The following IMMP2L variants were observed in gnomAD, a reference collection of about 807,000 sequenced individuals.
The protein encoded by IMMP2L is mitochondrial inner membrane protease subunit 2.
A neutral mutation model predicts 19.3 loss-of-function variants in IMMP2L; 18 were observed. That is an observed-to-expected ratio of 0.93 (90% confidence interval 0.64 to 1.38). IMMP2L has a LOEUF of 1.38. Ranked by LOEUF, IMMP2L falls within the 40% of genes most tolerant of loss-of-function variation. IMMP2L has a pLI of 0.00. For missense variants in IMMP2L, 233 were observed against 218.2 expected, an observed-to-expected ratio of 1.07 and a Z score of -0.43; for synonymous variants, 76 against 73.0, an observed-to-expected ratio of 1.04 and a Z score of -0.21.
At chr7:111,317,454 C>A (rs61208673) in intron 3 of IMMP2L, among the ~76,000 whole-genome samples, 3,485 of 152,114 alleles carry the variant, frequency 0.023, 136 homozygotes, top group African/African-American at 0.08. Flanking sequence ...GAAATACTAC[C>A]TGACTCTCTG....
chr7:111,449,076 C>T (rs1237698532), intron 3 of IMMP2L, among the ~76,000 whole-genome samples: 3 of 150,816 alleles, frequency 2.0e-5, no homozygotes, highest in Non-Finnish European at 4.4e-5. Context: ...AATAGTTTAC[C>T]AACCAAAAAG....
At chr7:110,883,615 C>A (rs1048424708) in intron 5 of IMMP2L, among the ~76,000 whole-genome samples, 1 of 152,130 alleles carries the variant, frequency 6.6e-6, no homozygotes, top group African/African-American at 2.4e-5. Flanking sequence ...ACACTATGAT[C>A]ACAAACCTAA....
intron 3 of IMMP2L, among the ~76,000 whole-genome samples, chr7:111,183,221 G>A (rs1807908253): frequency 6.6e-6 from 1 of 152,028 alleles, no homozygotes; most frequent in Non-Finnish European, 1.5e-5. Flanking sequence ...TTTATGAAAT[G>A]CATGTTAAAA....
intron 3 of IMMP2L, among the ~76,000 whole-genome samples, chr7:111,400,001 T>A (rs1377106218): frequency 6.6e-6 from 1 of 152,108 alleles, no homozygotes; most frequent in Non-Finnish European, 1.5e-5. Context: ...TTGAAAAAGA[T>A]TTGCCCCAGA....
chr7:111,324,495 T>G (rs534319910), intron 3 of IMMP2L, among the ~76,000 whole-genome samples: 22 of 152,046 alleles, frequency 1.4e-4, no homozygotes, highest in Non-Finnish European at 1.2e-4. Flanking sequence ...TAAATTAAGT[T>G]GAGGCAAGTC....
chr7:111,261,931 G>C (rs1393949025), intron 3 of IMMP2L, among the ~76,000 whole-genome samples: 3 of 152,146 alleles, frequency 2.0e-5, no homozygotes, highest in African/African-American at 4.8e-5. Flanking sequence ...AAGCTGGAGA[G>C]AGAGATATGA....
At chr7:110,683,180 G>A (rs1792854062) in intron 5 of IMMP2L, among the ~76,000 whole-genome samples, 1 of 151,978 alleles carries the variant, frequency 6.6e-6, no homozygotes, top group Non-Finnish European at 1.5e-5. Context: ...TGAAACTTAT[G>A]TTCAGGTAGT....
At chr7:110,955,216 C>A (rs1031517057) in intron 4 of IMMP2L, among the ~76,000 whole-genome samples, 7 of 151,682 alleles carry the variant, frequency 4.6e-5, no homozygotes, top group Admixed American at 2.0e-4. Flanking sequence ...TTCACTGATA[C>A]AGCAATAGTA....
intron 5 of IMMP2L, among the ~76,000 whole-genome samples, chr7:110,790,809 A>C (rs891898546): frequency 6.6e-6 from 1 of 151,776 alleles, no homozygotes; most frequent in African/African-American, 2.4e-5. Flanking sequence ...TCAGTGAGTA[A>C]ATTCTTTGAT....
chr7:110,915,552 C>A (rs962185859), intron 4 of IMMP2L, among the ~76,000 whole-genome samples: 2 of 152,112 alleles, frequency 1.3e-5, no homozygotes, highest in African/African-American at 4.8e-5. Flanking sequence ...AGCATGGCAA[C>A]TACAGTTAAT....
chr7:111,276,531 T>C (rs1819076860), intron 3 of IMMP2L, among the ~76,000 whole-genome samples: 1 of 152,002 alleles, frequency 6.6e-6, no homozygotes. Flanking sequence ...GTATTAGTTC[T>C]TCTTTATTAT....
chr7:110,886,612 T>G lies in IMMP2L; in HGVS notation c.389A>C (p.Asp130Ala), dbSNP rs1394429304. Residue 130 changes from aspartate (D) to alanine (A), a missense_variant, in exon 5 of 6, where the codon GAC becomes GCC. By Grantham distance (126) the Asp-to-Ala change is moderately radical (BLOSUM62 -2). Transcript: ENST00000405709. ...VEGDHHGHSF[D>A]SNSFGPVSLG... Reference sequence around the variant, plus strand: ...ACTTACCGGCCCAAAAGAATTACTGTCAAAACTGTGTCCATGATGATCACC... The same window carrying G: ...ACTTACCGGCCCAAAAGAATTACTGGCAAAACTGTGTCCATGATGATCACC... The G allele has an allele frequency of 1.2e-6, 2 of 1,601,270 alleles. No homozygotes were observed. Among genetic ancestry groups the G allele is most frequent in the Non-Finnish European group, 1.7e-6 (2 of 1,168,570 alleles).
chr7:110,950,675 T>C (rs1222267842), intron 4 of IMMP2L, among the ~76,000 whole-genome samples: 3 of 151,566 alleles, frequency 2.0e-5, no homozygotes, highest in Non-Finnish European at 4.4e-5. Context: ...AGAATCAACT[T>C]ACTGACAATG....
chr7:110,887,261 C>T (rs1810314822), intron 4 of IMMP2L, among the ~76,000 whole-genome samples: 1 of 152,014 alleles, frequency 6.6e-6, no homozygotes. Flanking sequence ...TTAACCAGCA[C>T]TAAAGTATTC....
At chr7:111,542,340 T>C (rs1480296438) in intron 1 of IMMP2L, among the ~76,000 whole-genome samples, 2 of 152,176 alleles carry the variant, frequency 1.3e-5, no homozygotes, top group African/African-American at 2.4e-5. Context: ...TTGATTAAAA[T>C]TTTATATCAC....
chr7:110,982,495 C>T (rs940865529), intron 3 of IMMP2L, among the ~76,000 whole-genome samples: 1 of 152,022 alleles, frequency 6.6e-6, no homozygotes, highest in Admixed American at 6.6e-5. Flanking sequence ...GTAGAAAATC[C>T]TGGTATTGAA....
intron 3 of IMMP2L, among the ~76,000 whole-genome samples, chr7:111,157,987 C>G (rs1408461669): frequency 1.3e-5 from 2 of 151,964 alleles, no homozygotes; most frequent in African/African-American, 4.8e-5. Context: ...GTTGTCTGCA[C>G]AAGCAGCACA....
chr7:110,937,101 A>G (rs1270198613), intron 4 of IMMP2L, among the ~76,000 whole-genome samples: 1 of 152,208 alleles, frequency 6.6e-6, no homozygotes, highest in Non-Finnish European at 1.5e-5. Context: ...TATCTAATGT[A>G]GATGACAGGT....
intron 3 of IMMP2L, among the ~76,000 whole-genome samples, chr7:110,971,382 G>A (rs2109863): frequency 0.62 from 94,874 of 151,958 alleles, 30,154 homozygotes; most frequent in African/African-American, 0.72. Context: ...GGAAAGACAC[G>A]GATGGGAACG....
Sources: allele counts gnomAD v4.1 joint callset (sites outside exome capture counted in the v4.1 genomes callset), GRCh38; gene constraint gnomAD v4.1.1; transcripts MANE v1.5; gene names NCBI Gene and HGNC (gene_info 2026-07-23, HGNC 2026-07-21).